GPC3: variants seen among roughly 807,000 people sequenced by gnomAD.
GPC3 encodes the protein glypican-3.
Under a neutral mutation model 34.4 loss-of-function variants are expected in GPC3, and 3 were observed. That is an observed-to-expected ratio of 0.09 (90% CI 0.04 to 0.23). GPC3 has a LOEUF of 0.23. GPC3 is among the 10% of genes least tolerant of loss of function. GPC3 has a pLI of 1.00. For missense variants in GPC3, 351 were observed against 445.6 expected, an observed-to-expected ratio of 0.79 and a Z score of 1.91; for synonymous variants, 177 against 174.0, an observed-to-expected ratio of 1.02 and a Z score of -0.13.
In GPC3 at chrX:133,613,924, T is replaced by C. The variant is rs766966857; in HGVS notation, c.1414-17325A>G. ...AATACTAACAGAGATAAAAATTATA[T>C]AAAACACCAAAATAGAAATTCTGGA... On this transcript the variant is annotated intron_variant, in intron 6 of 7. Coordinates refer to ENST00000370818, the MANE Select transcript of GPC3 (RefSeq NM_004484.4). 6.2e-5 allele frequency among the ~76,000 whole-genome samples: 7 copies of C among 112,339 alleles called. No individual in the cohort carries two copies. The South Asian group carries it at 2.6e-3, about 41-fold the overall frequency.
intron 7 of GPC3, among the ~76,000 whole-genome samples, chrX:133,536,733 G>T (rs952381589): frequency 9.0e-6 from 1 of 111,115 alleles, no homozygotes; most frequent in African/African-American, 3.3e-5. Flanking sequence ...GTGTGTATGT[G>T]TGCTGGTGGG....
intron 5 of GPC3, among the ~76,000 whole-genome samples, chrX:133,687,087 G>T (rs1235754778): frequency 1.1e-5 from 1 of 93,274 alleles, no homozygotes; most frequent in East Asian, 3.5e-4. Context: ...CACCATGGCC[G>T]GCTAATTTTT....
chrX:133,979,957 C>T (rs931252117), intron 1 of GPC3, among the ~76,000 whole-genome samples: 13 of 111,656 alleles, frequency 1.2e-4, no homozygotes, highest in East Asian at 1.1e-3. Flanking sequence ...AGTCTGTACA[C>T]GAGTTCTGAT....
chrX:133,900,430 T>C (rs1196096637), intron 2 of GPC3, among the ~76,000 whole-genome samples: 1 of 111,894 alleles, frequency 8.9e-6, no homozygotes, highest in East Asian at 2.8e-4. Flanking sequence ...CTACACACTT[T>C]TTCTTAAGAG....
At chrX:133,585,468 G>C (rs1427662161) in intron 7 of GPC3, among the ~76,000 whole-genome samples, 1 of 110,270 alleles carries the variant, frequency 9.1e-6, no homozygotes, top group Non-Finnish European at 1.9e-5. Context: ...TTTCTGATTT[G>C]AACCCCCTAG....
At chrX:133,686,772 C>CAT (rs2071007568) in intron 5 of GPC3, among the ~76,000 whole-genome samples, 1 of 97,448 alleles carries the variant, frequency 1.0e-5, no homozygotes, top group South Asian at 4.3e-4. Context: ...TACCTCAACA[C>CAT]ACACACACAC....
intron 3 of GPC3, among the ~76,000 whole-genome samples, chrX:133,707,429 G>C (rs1238790257): frequency 9.0e-6 from 1 of 111,570 alleles, no homozygotes; most frequent in Non-Finnish European, 1.9e-5. Flanking sequence ...GGAGAATCCT[G>C]TCCTTATGTA....
intron 6 of GPC3, among the ~76,000 whole-genome samples, chrX:133,611,414 C>G (rs2070111342): frequency 8.9e-6 from 1 of 111,966 alleles, no homozygotes; most frequent in Non-Finnish European, 1.9e-5. Flanking sequence ...TTCCTACACT[C>G]AAATCATCAA....
At position 133,793,529 on chromosome X, in the gene GPC3, T is replaced by G. The variant is rs779650235; in HGVS notation, c.338-39353A>C. Among the ~76,000 whole-genome samples the G allele has an allele frequency of 5.4e-5, 6 of 111,474 alleles. No individual in the cohort carries two copies. In the South Asian group the frequency reaches 2.3e-3, roughly 43 times the overall value. On this transcript the variant is annotated intron_variant, in intron 2 of 7. Coordinates refer to ENST00000370818, the MANE Select transcript of GPC3 (RefSeq NM_004484.4). Reference sequence around the variant, plus strand: ...AAAGCGAAACAGATTTTCCTCATATTTTTTCCTAAGTCACCAAACCCAGAA... The same window carrying G: ...AAAGCGAAACAGATTTTCCTCATATGTTTTCCTAAGTCACCAAACCCAGAA...
chrX:133,745,576 A>G (rs1256791451), intron 3 of GPC3, among the ~76,000 whole-genome samples: 1 of 112,701 alleles, frequency 8.9e-6, no homozygotes, highest in Non-Finnish European at 1.9e-5. Flanking sequence ...CTTTCTCTTT[A>G]AAGTATTCTC....
At position 133,820,152 on chromosome X, in the gene GPC3, T is replaced by C. The variant is rs1361951719; in HGVS notation, c.338-65976A>G. ...AAACCAAACATGGAAACCTCATTTT[T>C]TTCACACCACATTTGTTAACACTGT... On this transcript the variant is annotated intron_variant, in intron 2 of 7. Transcript: ENST00000370818. Among the ~76,000 whole-genome samples the C allele has an allele frequency of 2.7e-5, 3 of 111,835 alleles. No individual in the cohort carries two copies. In the South Asian group the frequency reaches 1.1e-3, roughly 41 times the overall value.
Position 133,712,021 on chromosome X carries a change from T to C in GPC3, c.1033-11993A>G, listed in dbSNP as rs1372348302. On this transcript the variant is annotated intron_variant, in intron 3 of 7. Coordinates refer to ENST00000370818, the MANE Select transcript of GPC3 (RefSeq NM_004484.4). The stretch of plus-strand genomic sequence containing the variant: ...AATATTTTTTGAAGAATATAAATTT[T>C]AAATTTTTTCTGTAACTTATTGGAC... 2.7e-5 allele frequency among the ~76,000 whole-genome samples: 3 copies of C among 112,684 alleles called. 1 individual carries two copies. The highest frequency in any genetic ancestry group is 5.6e-5 in the Non-Finnish European group (3 of 53,361).
chrX:133,806,784 G>C lies in GPC3; in HGVS notation c.338-52608C>G, dbSNP rs1045623314. 4.6e-5 allele frequency among the ~76,000 whole-genome samples: 5 copies of C among 109,747 alleles called. No homozygotes were observed. The East Asian group carries it at 1.1e-3, about 25-fold the overall frequency. ...CTGCCTCAGCCTCCCGAGTAGCTGG[G>C]ACTACAGGCGCCCACCACCACGCCC... On this transcript the variant is annotated intron_variant, in intron 2 of 7. Transcript: ENST00000370818.
At chrX:133,776,866 G>A (rs936053799) in intron 2 of GPC3, among the ~76,000 whole-genome samples, 4 of 95,052 alleles carry the variant, frequency 4.2e-5, no homozygotes, top group Admixed American at 4.0e-4. Context: ...AAGTAGTCAC[G>A]TCCTTTCTTT....
rs537936603 is a variant in GPC3 at position 133,650,457 on chromosome X, CCACACA to C, written c.1413+11267_1413+11272del. Reference sequence around the variant, plus strand: ...GATTTAAACACACCCACACACCCACCCACACACACACACACACACACACACACACAC... The same window carrying C: ...GATTTAAACACACCCACACACCCACCCACACACACACACACACACACACAC... On this transcript the variant is annotated intron_variant, in intron 6 of 7. Transcript: ENST00000370818. 2.8e-3 allele frequency among the ~76,000 whole-genome samples: 272 copies of C among 97,673 alleles called. 2 individuals carry two copies. The highest frequency in any genetic ancestry group is 6.2e-3 in the African/African-American group (163 of 26,216). The allele number at this position is 97,673 out of a possible 115,157, so 84.8% of individuals were successfully genotyped here.
chrX:133,807,405 G>A (rs1190001796), intron 2 of GPC3, among the ~76,000 whole-genome samples: 1 of 111,852 alleles, frequency 8.9e-6, no homozygotes, highest in Non-Finnish European at 1.9e-5. Flanking sequence ...CCAAACAAAT[G>A]TCTTTTCTTT....
rs755684342 is a variant in GPC3 at position 133,663,314 on chromosome X, G to A, written c.1293-1464C>T. 5.4e-5 allele frequency among the ~76,000 whole-genome samples: 6 copies of A among 111,653 alleles called. 1 individual carries two copies. The highest frequency in any genetic ancestry group is 8.4e-3 in the Middle Eastern group (2 of 237). On this transcript the variant is annotated intron_variant, in intron 5 of 7. Transcript: ENST00000370818. The stretch of plus-strand genomic sequence containing the variant: ...ATTAGCTGGGCGTTTTAGTAGAGAC[G>A]GGGTTTCGCCATGTTGGCCAGGCTG...
At chrX:133,898,230 A>G (rs746084619) in intron 2 of GPC3, among the ~76,000 whole-genome samples, 4 of 111,914 alleles carry the variant, frequency 3.6e-5, no homozygotes, top group African/African-American at 9.7e-5. Flanking sequence ...AGGCAAAGGG[A>G]GTGTGGTTAA....
chrX:133,887,432 C>G (rs779514229), intron 2 of GPC3, among the ~76,000 whole-genome samples: 64 of 112,208 alleles, frequency 5.7e-4, no homozygotes, highest in Non-Finnish European at 6.0e-4. Context: ...TGATGTTGAG[C>G]ATTTTTTTCA....
Sources: allele counts gnomAD v4.1 joint callset (sites outside exome capture counted in the v4.1 genomes callset), GRCh38; gene constraint gnomAD v4.1.1; transcripts MANE v1.5; gene names NCBI Gene and HGNC (gene_info 2026-07-23, HGNC 2026-07-21).